Variants in DCAF8L2 observed in about 807,000 individuals in gnomAD.
DCAF8L2 encodes the protein DDB1- and CUL4-associated factor 8-like protein 2.
For synonymous variants in DCAF8L2, 200 were observed against 190.9 expected (o/e 1.05, Z -0.39); for missense variants, 430 against 490.7 (o/e 0.88, Z 1.17).
intron 2 of DCAF8L2, among the ~76,000 whole-genome samples, chrX:27,666,028 A>G (rs1929728388): frequency 9.0e-6 from 1 of 111,716 alleles, no homozygotes; most frequent in African/African-American, 3.3e-5. Context: ...TGTACTATTA[A>G]GAAATAAAAG....
intron 1 of DCAF8L2, among the ~76,000 whole-genome samples, chrX:27,609,242 A>G (rs1476185904): frequency 8.9e-6 from 1 of 111,779 alleles, no homozygotes; most frequent in Non-Finnish European, 1.9e-5. Context: ...GTTATGGGGT[A>G]TAAATTTCTT....
chrX:27,558,379 C>T, the DCAF8L2 span, among the ~76,000 whole-genome samples: 1 of 110,892 alleles, frequency 9.0e-6, no homozygotes, highest in Non-Finnish European at 1.9e-5. Context: ...GAAATTGTGC[C>T]CTCTTTTGGG....
the DCAF8L2 span, among the ~76,000 whole-genome samples, chrX:27,513,419 G>A: frequency 7.2e-5 from 8 of 111,748 alleles, no homozygotes; most frequent in Non-Finnish European, 1.5e-4. Context: ...ATTAAAAAAT[G>A]AGTCAGGGTG....
the DCAF8L2 span, among the ~76,000 whole-genome samples, chrX:27,561,944 T>C: frequency 8.9e-6 from 1 of 111,787 alleles, no homozygotes; most frequent in Non-Finnish European, 1.9e-5. Flanking sequence ...GGAGTAAAAT[T>C]ACAGGATCAT....
intron 3 of DCAF8L2, among the ~76,000 whole-genome samples, chrX:27,681,418 A>G (rs1930323346): frequency 9.0e-6 from 1 of 111,725 alleles, no homozygotes; most frequent in Admixed American, 9.6e-5. Flanking sequence ...GTGACAAAGT[A>G]ACCAGGTCAT....
chrX:27,643,468 G>A (rs1928819820), intron 2 of DCAF8L2, among the ~76,000 whole-genome samples: 1 of 111,406 alleles, frequency 9.0e-6, no homozygotes, highest in African/African-American at 3.3e-5. Flanking sequence ...TGTTGATGTC[G>A]TAGTGGTCAG....
chrX:27,673,662 A>G (rs1930039964), intron 2 of DCAF8L2, among the ~76,000 whole-genome samples: 1 of 109,219 alleles, frequency 9.2e-6, no homozygotes, highest in South Asian at 3.9e-4. Flanking sequence ...ATATGCATAT[A>G]TAATATACAT....
chrX:27,599,716 C>G (rs1926548499), intron 1 of DCAF8L2, among the ~76,000 whole-genome samples: 1 of 110,613 alleles, frequency 9.0e-6, no homozygotes, highest in African/African-American at 3.3e-5. Flanking sequence ...GCCCCCGCCC[C>G]GTGCACTGAG....
intron 2 of DCAF8L2, among the ~76,000 whole-genome samples, chrX:27,674,058 T>C (rs975764620): frequency 1.8e-5 from 2 of 111,880 alleles, no homozygotes; most frequent in African/African-American, 6.5e-5. Context: ...ATTATCAGAA[T>C]CAAATTAATT....
At chrX:27,519,012 A>T in the DCAF8L2 span, 1 of 868,423 alleles carries the variant, frequency 1.2e-6, no homozygotes, top group South Asian at 2.0e-5. Flanking sequence ...TATGTATGGG[A>T]AACCATGAAC....
chrX:27,562,915 A>T, the DCAF8L2 span, among the ~76,000 whole-genome samples: 2 of 112,125 alleles, frequency 1.8e-5, no homozygotes, highest in Non-Finnish European at 3.8e-5. Context: ...CACCATGTCT[A>T]TTGCATATGT....
chrX:27,611,974 G>A (rs1248410663), intron 1 of DCAF8L2, among the ~76,000 whole-genome samples: 1 of 111,075 alleles, frequency 9.0e-6, no homozygotes, highest in Non-Finnish European at 1.9e-5. Context: ...GGGATCCCTG[G>A]GTCAAATGGT....
the DCAF8L2 span, among the ~76,000 whole-genome samples, chrX:27,477,241 C>T: frequency 8.9e-6 from 1 of 112,303 alleles, no homozygotes; most frequent in South Asian, 3.7e-4. Flanking sequence ...TGATTCTAGG[C>T]AAAATGGATA....
chrX:27,704,486 G>C (rs888709871), intron 3 of DCAF8L2, among the ~76,000 whole-genome samples: 1 of 110,011 alleles, frequency 9.1e-6, no homozygotes, highest in Non-Finnish European at 1.9e-5. Flanking sequence ...AATAGAATTA[G>C]AGTAGAATTG....
intron 3 of DCAF8L2, among the ~76,000 whole-genome samples, chrX:27,707,987 TTTTA>T (rs754399842): frequency 8.9e-5 from 10 of 111,806 alleles, no homozygotes; most frequent in Non-Finnish European, 1.9e-4. Flanking sequence ...ACATTTCTTA[TTTTA>T]TTTTACTTTA....
intron 3 of DCAF8L2, among the ~76,000 whole-genome samples, chrX:27,683,422 T>C (rs757235440): frequency 5.8e-4 from 65 of 112,524 alleles, no homozygotes; most frequent in African/African-American, 1.9e-3. Flanking sequence ...CAAATTAGGC[T>C]TCTATACACT....
At chrX:27,624,977 A>G (rs1207809687) in intron 1 of DCAF8L2, among the ~76,000 whole-genome samples, 2 of 112,347 alleles carry the variant, frequency 1.8e-5, no homozygotes, top group Non-Finnish European at 3.8e-5. Flanking sequence ...AGCAATTGTG[A>G]CAAAAAGAAA....
chrX:27,513,789 T>C, the DCAF8L2 span, among the ~76,000 whole-genome samples: 1 of 109,554 alleles, frequency 9.1e-6, no homozygotes, highest in African/African-American at 3.3e-5. Context: ...CATGAAAAAA[T>C]TTTCAGCATC....
chrX:27,648,214 T>C (rs1035325384), intron 2 of DCAF8L2, among the ~76,000 whole-genome samples: 30 of 110,824 alleles, frequency 2.7e-4, no homozygotes, highest in African/African-American at 9.8e-4. Context: ...ATAAAGATTA[T>C]AAAATAAGTA....
Sources: gnomAD v4.1 joint callset for allele counts (sites outside exome capture counted in the v4.1 genomes callset) on GRCh38, gnomAD v4.1.1 for gene constraint, MANE v1.5 for transcripts, NCBI Gene and HGNC (gene_info 2026-07-23, HGNC 2026-07-21) for gene names.